The following DNAJC9 variants were observed in gnomAD, a reference collection of about 807,000 sequenced individuals.
The protein encoded by DNAJC9 is DnaJ heat shock protein family (Hsp40) member C9.
Under a neutral mutation model 32.4 loss-of-function variants are expected in DNAJC9, and 18 were observed. The ratio of observed to expected loss-of-function variants is 0.56; its 90% CI spans 0.38 to 0.82. DNAJC9 has a LOEUF of 0.82. DNAJC9 is among the 40% of genes least tolerant of loss of function. DNAJC9 has a pLI of 0.00. For missense variants in DNAJC9, 310 were observed against 321.8 expected (o/e 0.96, Z 0.28); for synonymous variants, 113 against 122.1 (o/e 0.93, Z 0.49).
downstream of DNAJC9, chr10:73,235,073 A>G (rs745995251): frequency 1.4e-6 from 2 of 1,449,462 alleles, no homozygotes; most frequent in Non-Finnish European, 1.9e-6. Context: ...CTAATTTATG[A>G]CGTGGAATTG....
intron 2 of DNAJC9, among the ~76,000 whole-genome samples, chr10:73,233,522 T>C (rs964059138): frequency 4.6e-5 from 7 of 152,094 alleles, no homozygotes; most frequent in Non-Finnish European, 1.0e-4. Flanking sequence ...TTTGTGTTTT[T>C]AGTAGAGACA....
downstream of DNAJC9, chr10:73,235,223 A>C: frequency 6.4e-6 from 10 of 1,551,754 alleles, no homozygotes; most frequent in Non-Finnish European, 8.7e-6. Context: ...TCGAGCTCAA[A>C]GTGCGGTGGT....
chr10:73,245,245 A>G (rs2043992849), intron 3 of DNAJC9, among the ~76,000 whole-genome samples: 1 of 152,062 alleles, frequency 6.6e-6, no homozygotes, highest in Admixed American at 6.5e-5. Context: ...AGCTGCAGAA[A>G]AGTTCCTGAG....
chr10:73,241,132 T>G (rs2043943120), downstream of DNAJC9: 2 of 717,826 alleles, frequency 2.8e-6, no homozygotes, highest in African/African-American at 3.7e-5. Context: ...ATCATCTTCA[T>G]GAAGAGTGAT....
chr10:73,240,622 G>A (rs1248091377), downstream of DNAJC9, among the ~76,000 whole-genome samples: 1 of 151,394 alleles, frequency 6.6e-6, no homozygotes, highest in Non-Finnish European at 1.5e-5. Context: ...TGAGGCAGGA[G>A]AATGAGGTGA....
intron 2 of DNAJC9, among the ~76,000 whole-genome samples, chr10:73,232,303 G>GACTT (rs2043725261): frequency 6.6e-6 from 1 of 152,234 alleles, no homozygotes; most frequent in African/African-American, 2.4e-5. Flanking sequence ...TTTATTGGAC[G>GACTT]ACTTACAGAA....
At chr10:73,239,010 G>A (rs1032171338), downstream of DNAJC9, 3 of 219,536 alleles carry the variant, frequency 1.4e-5, no homozygotes, top group Admixed American at 5.7e-5. Context: ...GAAATGAGAC[G>A]AACCCCCTTA....
chr10:73,233,585 C>A (rs796619914), intron 2 of DNAJC9, among the ~76,000 whole-genome samples: 47 of 152,306 alleles, frequency 3.1e-4, no homozygotes, highest in African/African-American at 1.0e-3. Context: ...CTCAAGCAAT[C>A]TGCCTGCCTC....
chr10:73,237,401 C>T (rs920415044), downstream of DNAJC9, among the ~76,000 whole-genome samples: 7 of 152,026 alleles, frequency 4.6e-5, no homozygotes, highest in African/African-American at 1.4e-4. Context: ...GATTATATTA[C>T]ACAGCTAGAT....
intron 3 of DNAJC9, 78 bp from the exon 4 acceptor site, chr10:73,244,007 A>G (rs2043981125): frequency 3.4e-6 from 4 of 1,178,834 alleles, no homozygotes; most frequent in South Asian, 1.3e-5. Flanking sequence ...AAGCAAATCT[A>G]TAATTCTGTT....
intron 2 of DNAJC9, chr10:73,232,848 G>C: frequency 1.3e-6 from 1 of 754,718 alleles, no homozygotes; most frequent in South Asian, 1.6e-5. Context: ...CCTAAATGTA[G>C]TTTCTAGTCT....
downstream of DNAJC9, chr10:73,241,478 C>G (rs1377517912): frequency 5.8e-6 from 1 of 171,046 alleles, no homozygotes; most frequent in Non-Finnish European, 1.3e-5. Context: ...TGTTGAAAAT[C>G]TGACCTCATC....
At chr10:73,237,429 T>G (rs1279026364), downstream of DNAJC9, among the ~76,000 whole-genome samples, 1 of 152,140 alleles carries the variant, frequency 6.6e-6, no homozygotes, top group African/African-American at 2.4e-5. Flanking sequence ...AACTTTTTTT[T>G]TTTTTGAGAC....
At chr10:73,236,620 G>A (rs1353699797), downstream of DNAJC9, among the ~76,000 whole-genome samples, 1 of 151,778 alleles carries the variant, frequency 6.6e-6, no homozygotes, top group Non-Finnish European at 1.5e-5. Context: ...TGCCATCTTG[G>A]CCAGGCTGGT....
chr10:73,246,042 C>A lies in DNAJC9; in HGVS notation c.456G>T (p.Gln152His), dbSNP rs892324723. The A allele has an allele frequency of 6.2e-7, 1 of 1,613,724 alleles. No individual in the cohort carries two copies. Among genetic ancestry groups the A allele is most frequent in the East Asian group, 2.2e-5 (1 of 44,890 alleles). ...DQIMESVLCV[Q>H]YTEEPRIRNI... Reference sequence around the variant, plus strand: ...TCCTTATCCTGGGTTCCTCTGTGTACTGCACGCAAAGCACAGACTCCATGA... The same window carrying A: ...TCCTTATCCTGGGTTCCTCTGTGTAATGCACGCAAAGCACAGACTCCATGA... The change falls in exon 3 of 5, where the codon CAG (glutamine) becomes CAT (histidine). Residue 152 changes from glutamine (Q) to histidine (H), a missense_variant. Physicochemically the swap from Gln to His is conservative, Grantham distance 24. Coordinates refer to ENST00000372950, the MANE Select transcript of DNAJC9 (RefSeq NM_015190.5).
downstream of DNAJC9, chr10:73,234,506 T>G: frequency 7.2e-6 from 2 of 279,566 alleles, no homozygotes; most frequent in South Asian, 4.6e-5. Context: ...AGCTGGGAAT[T>G]TACAAATCCA....
intron 3 of DNAJC9, among the ~76,000 whole-genome samples, chr10:73,244,696 C>T (rs1401600925): frequency 6.6e-6 from 1 of 150,816 alleles, no homozygotes; most frequent in Non-Finnish European, 1.5e-5. Context: ...TACCTAATTT[C>T]AAAGCAGCCT....
downstream of DNAJC9, chr10:73,235,305 C>G: frequency 6.4e-7 from 1 of 1,552,140 alleles, no homozygotes; most frequent in East Asian, 2.4e-5. Context: ...CCCAACACAA[C>G]TCAATCATTT....
Position 73,246,042 on chromosome 10 carries a change from C to T in DNAJC9, c.456G>A (p.Gln152=), listed in dbSNP as rs892324723. The change falls in exon 3 of 5, where the codon CAG becomes CAA. Residue 152 remains glutamine, a synonymous_variant. Transcript: ENST00000372950. ...TCCTTATCCTGGGTTCCTCTGTGTACTGCACGCAAAGCACAGACTCCATGA... is the reference window on the plus strand; with the variant it reads ...TCCTTATCCTGGGTTCCTCTGTGTATTGCACGCAAAGCACAGACTCCATGA... ...DQIMESVLCV[Q]YTEEPRIRNI... is the part of the protein sequence containing the mutation. 31 of 1,613,724 alleles carry T rather than the reference C, an allele frequency of 1.9e-5. No individual in the cohort carries two copies. In the South Asian group the frequency reaches 2.9e-4, roughly 15 times the overall value.
Sources: allele counts gnomAD v4.1 joint callset (sites outside exome capture counted in the v4.1 genomes callset), GRCh38; gene constraint gnomAD v4.1.1; transcripts MANE v1.5; gene names NCBI Gene and HGNC (gene_info 2026-07-23, HGNC 2026-07-21).